The following CHST11 variants were observed in gnomAD, a reference collection of about 807,000 sequenced individuals.
CHST11 encodes the protein C4S-1.
CHST11 carries 9 observed loss-of-function variants against 30.4 expected under a neutral mutation model. The ratio of observed to expected loss-of-function variants is 0.30; its 90% confidence interval spans 0.18 to 0.52. The LOEUF (loss-of-function observed/expected upper bound fraction) is 0.52. CHST11 is among the 20% of genes least tolerant of loss of function. The probability of loss-of-function intolerance (pLI) is 0.97; values close to 1 mark genes in which losing one functional copy is unlikely to be tolerated. For synonymous variants in CHST11, 152 were observed against 187.8 expected (o/e 0.81, Z 1.56); for missense variants, 348 against 460.6 (o/e 0.76, Z 2.24).
intron 1 of CHST11, among the ~76,000 whole-genome samples, chr12:104,499,707 G>T (rs897360025): frequency 2.0e-5 from 3 of 152,138 alleles, no homozygotes; most frequent in Non-Finnish European, 4.4e-5. Flanking sequence ...AGGAAAAAAG[G>T]CAGGAAGGGA....
intron 1 of CHST11, among the ~76,000 whole-genome samples, chr12:104,491,914 A>G (rs1313451756): frequency 6.6e-6 from 1 of 152,026 alleles, no homozygotes; most frequent in Non-Finnish European, 1.5e-5. Flanking sequence ...CTGCAGCCTC[A>G]CTTGCTGTGC....
chr12:104,727,835 G>A lies in CHST11; in HGVS notation c.205-29114G>A, dbSNP rs184530215. Among the ~76,000 whole-genome samples, 160 of 152,244 alleles carry A rather than the reference G, an allele frequency of 1.1e-3. 2 individuals are homozygous for A. Among genetic ancestry groups the A allele is most frequent in the African/African-American group, 3.4e-3 (142 of 41,532 alleles). ...TGGACTAGTGGGAGGATAAGGAGAC[G>A]GTTAGAGAACTGAGAACAGGGACCC... On this transcript the variant is annotated intron_variant, in intron 2 of 2. Coordinates refer to ENST00000303694, the MANE Select transcript of CHST11 (RefSeq NM_018413.6).
Position 104,517,699 on chromosome 12 carries a change from G to T in CHST11, c.118+60170G>T, listed in dbSNP as rs73384149. Among the ~76,000 whole-genome samples, 1,106 of 152,236 alleles carry T rather than the reference G, an allele frequency of 7.3e-3. 15 individuals are homozygous for T. Among genetic ancestry groups the T allele is most frequent in the African/African-American group, 0.025 (1,056 of 41,548 alleles). On this transcript the variant is annotated intron_variant, in intron 1 of 2. Transcript: ENST00000303694. ...GAGGCTGTACCAAATTCTTAGAAGA[G>T]AAATTTTGCCTCAAAAGCGACCTGG... is the stretch of plus-strand genomic sequence containing the variant.
At chr12:104,476,063 T>G (rs886987106) in intron 1 of CHST11, among the ~76,000 whole-genome samples, 1 of 145,002 alleles carries the variant, frequency 6.9e-6, no homozygotes, top group African/African-American at 2.5e-5. Flanking sequence ...AATATATAAT[T>G]ACATATATGT....
At chr12:104,592,656 A>G (rs1228039449) in intron 1 of CHST11, among the ~76,000 whole-genome samples, 1 of 152,180 alleles carries the variant, frequency 6.6e-6, no homozygotes, top group Non-Finnish European at 1.5e-5. Flanking sequence ...AGTCAGAATC[A>G]GTTTTGAGGA....
intron 1 of CHST11, among the ~76,000 whole-genome samples, chr12:104,582,249 A>C (rs1361223927): frequency 2.6e-5 from 4 of 152,126 alleles, no homozygotes; most frequent in Non-Finnish European, 5.9e-5. Context: ...CAGGGGGTTA[A>C]GAAGCTTGCA....
At chr12:104,524,072 G>C (rs2038100638) in intron 1 of CHST11, among the ~76,000 whole-genome samples, 1 of 143,302 alleles carries the variant, frequency 7.0e-6, no homozygotes, top group Non-Finnish European at 1.5e-5. Context: ...CTCAATTGGA[G>C]TCATATAGTG....
At chr12:104,631,953 C>G (rs1385047023) in intron 2 of CHST11, among the ~76,000 whole-genome samples, 2 of 152,124 alleles carry the variant, frequency 1.3e-5, no homozygotes, top group Non-Finnish European at 2.9e-5. Flanking sequence ...CTCTGATGAA[C>G]CTGACTTAAG....
At chr12:104,721,408 C>T (rs575216380) in intron 2 of CHST11, among the ~76,000 whole-genome samples, 3 of 152,332 alleles carry the variant, frequency 2.0e-5, no homozygotes, top group South Asian at 2.1e-4. Flanking sequence ...TGTCTCTGAC[C>T]GTCTGTGCCA....
At chr12:104,755,949 TC>T (rs1566066957) in intron 2 of CHST11, among the ~76,000 whole-genome samples, 1 of 151,780 alleles carries the variant, frequency 6.6e-6, no homozygotes, top group African/African-American at 2.4e-5. Flanking sequence ...GGAGTAGGAA[TC>T]AGGCTGGAAA....
At chr12:104,681,463 G>A (rs11112165) in intron 2 of CHST11, among the ~76,000 whole-genome samples, 3,311 of 152,246 alleles carry the variant, frequency 0.022, 131 homozygotes, top group East Asian at 0.2. Context: ...TTTTGGGGGT[G>A]ATAAATATAT....
chr12:104,461,031 CCCACT>C (rs2037403191), intron 1 of CHST11, among the ~76,000 whole-genome samples: 1 of 152,154 alleles, frequency 6.6e-6, no homozygotes, highest in Non-Finnish European at 1.5e-5. Flanking sequence ...CAGAAGTAGA[CCCACT>C]TCTCTGGTTT....
chr12:104,476,500 A>C (rs982476821), intron 1 of CHST11, among the ~76,000 whole-genome samples: 1 of 152,002 alleles, frequency 6.6e-6, no homozygotes, highest in African/African-American at 2.4e-5. Flanking sequence ...CATCAGATGG[A>C]TGTATTTTCA....
intron 1 of CHST11, among the ~76,000 whole-genome samples, chr12:104,478,655 G>A (rs571662369): frequency 8.9e-4 from 135 of 152,266 alleles, no homozygotes; most frequent in African/African-American, 3.0e-3. Context: ...GAGTATTCAC[G>A]GGGCCCCAGA....
Position 104,699,714 on chromosome 12 carries a change from G to A in CHST11, c.205-57235G>A, listed in dbSNP as rs533908539. ...AGGCTGTTTCACTTCTCTTATATCT[G>A]TAATATAAGCAGAGTAACTGGAGCC... On this transcript the variant is annotated intron_variant, in intron 2 of 2. Coordinates refer to ENST00000303694, the MANE Select transcript of CHST11 (RefSeq NM_018413.6). Among the ~76,000 whole-genome samples the A allele has an allele frequency of 2.1e-4, 32 of 152,348 alleles. 2 individuals carry two copies. The highest frequency in any genetic ancestry group is 9.8e-4 in the Admixed American group (15 of 15,310).
At chr12:104,661,475 C>T (rs367708768) in intron 2 of CHST11, among the ~76,000 whole-genome samples, 17 of 152,118 alleles carry the variant, frequency 1.1e-4, no homozygotes, top group South Asian at 6.2e-4. Context: ...CTTGGGAGGC[C>T]GAGGTGAGAA....
At chr12:104,678,235 T>C (rs2039761261) in intron 2 of CHST11, among the ~76,000 whole-genome samples, 1 of 152,220 alleles carries the variant, frequency 6.6e-6, no homozygotes, top group African/African-American at 2.4e-5. Context: ...TAATAACATA[T>C]TGTAAAGGTT....
At chr12:104,708,668 G>A (rs1054124783) in intron 2 of CHST11, among the ~76,000 whole-genome samples, 3 of 152,096 alleles carry the variant, frequency 2.0e-5, no homozygotes, top group East Asian at 3.8e-4. Flanking sequence ...GGGGTCACAC[G>A]GAAGCCAGGC....
At chr12:104,475,656 C>T (rs115028536) in intron 1 of CHST11, among the ~76,000 whole-genome samples, 2 of 6,194 alleles carry the variant, frequency 3.2e-4, no homozygotes, top group Non-Finnish European at 6.2e-4. Flanking sequence ...AGTAAAGCAG[C>T]ATTATATATA....
Sources: gnomAD v4.1 joint callset for allele counts (sites outside exome capture counted in the v4.1 genomes callset) on GRCh38, gnomAD v4.1.1 for gene constraint, MANE v1.5 for transcripts, NCBI Gene and HGNC (gene_info 2026-07-23, HGNC 2026-07-21) for gene names.